The following RGS7 variants were observed in gnomAD, a reference collection of about 807,000 sequenced individuals.
The protein encoded by RGS7 is regulator of G-protein signaling 7.
RGS7 carries 27 observed loss-of-function variants against 81.1 expected under a neutral mutation model. The observed-to-expected ratio is 0.33, with a 90% CI of 0.25 to 0.46. The LOEUF (loss-of-function observed/expected upper bound fraction) is 0.46, where lower values mean the gene tolerates loss of function less well. RGS7 is among the 20% of genes least tolerant of loss of function. The pLI is 1.00. For synonymous variants in RGS7, 208 were observed against 207.7 expected, an observed-to-expected ratio of 1.00 and a Z score of -0.01; for missense variants, 396 against 607.4, an observed-to-expected ratio of 0.65 and a Z score of 3.66.
chr1:240,780,729 C>A (rs1309038329), intron 18 of RGS7, among the ~76,000 whole-genome samples: 1 of 151,822 alleles, frequency 6.6e-6, no homozygotes, highest in East Asian at 1.9e-4. Context: ...TCCTGGCCAA[C>A]ATGTTGAAAC....
chr1:241,252,327 AG>A, intron 2 of RGS7, among the ~76,000 whole-genome samples: 1 of 152,312 alleles, frequency 6.6e-6, no homozygotes, highest in African/African-American at 2.4e-5. Context: ...TACAGGCGTG[AG>A]CCACAGCGCC....
chr1:241,293,827 G>A (rs1262189779), intron 2 of RGS7, among the ~76,000 whole-genome samples: 3 of 152,138 alleles, frequency 2.0e-5, no homozygotes, highest in Non-Finnish European at 2.9e-5. Flanking sequence ...ATAGGAACAC[G>A]TTTACAGTGT....
At chr1:240,789,007 G>A (rs1001451005) in intron 18 of RGS7, among the ~76,000 whole-genome samples, 10 of 152,274 alleles carry the variant, frequency 6.6e-5, no homozygotes, top group African/African-American at 2.2e-4. Context: ...GTGTGGTGGC[G>A]CATTGTTGTG....
At chr1:240,783,461 T>TAA (rs904357004) in intron 18 of RGS7, among the ~76,000 whole-genome samples, 4 of 132,748 alleles carry the variant, frequency 3.0e-5, no homozygotes, top group African/African-American at 8.3e-5. Context: ...ATCTCTACTT[T>TAA]AAAAAAAAAA....
intron 2 of RGS7, among the ~76,000 whole-genome samples, chr1:241,285,580 T>C (rs1186499238): frequency 6.6e-6 from 1 of 152,194 alleles, no homozygotes; most frequent in Non-Finnish European, 1.5e-5. Flanking sequence ...AATTTTACAT[T>C]TGAGGAAACT....
At chr1:241,023,972 G>A (rs1163317888) in intron 3 of RGS7, among the ~76,000 whole-genome samples, 4 of 152,110 alleles carry the variant, frequency 2.6e-5, no homozygotes, top group African/African-American at 4.8e-5. Context: ...TCGAACTCCT[G>A]ACTCAGGTGT....
chr1:241,012,902 G>A (rs1251627228), intron 3 of RGS7, among the ~76,000 whole-genome samples: 1 of 151,992 alleles, frequency 6.6e-6, no homozygotes, highest in Non-Finnish European at 1.5e-5. Flanking sequence ...TACCCGTGAG[G>A]TTTCATCTGC....
At chr1:241,023,611 A>T (rs10802924) in intron 3 of RGS7, among the ~76,000 whole-genome samples, 67,665 of 151,612 alleles carry the variant, frequency 0.45, 15,434 homozygotes, top group Middle Eastern at 0.55. Context: ...AAACTCTACC[A>T]TCCTTTATTC....
At chr1:240,854,290 A>G (rs1195572599) in intron 9 of RGS7, among the ~76,000 whole-genome samples, 3 of 152,330 alleles carry the variant, frequency 2.0e-5, no homozygotes, top group Non-Finnish European at 4.4e-5. Flanking sequence ...TTAAATCTCA[A>G]ACTTTTTTTC....
intron 3 of RGS7, among the ~76,000 whole-genome samples, chr1:241,011,309 C>T (rs1572251794): frequency 6.6e-6 from 1 of 152,106 alleles, no homozygotes; most frequent in Non-Finnish European, 1.5e-5. Flanking sequence ...CCCTTCCTTC[C>T]TGGCAGCAGG....
At chr1:241,263,564 T>C (rs572754263) in intron 2 of RGS7, among the ~76,000 whole-genome samples, 16 of 152,160 alleles carry the variant, frequency 1.1e-4, no homozygotes, top group Non-Finnish European at 2.2e-4. Context: ...TCAGCAGGCA[T>C]TTATTTACAG....
At chr1:241,064,496 G>C (rs946415699) in intron 3 of RGS7, among the ~76,000 whole-genome samples, 2 of 151,956 alleles carry the variant, frequency 1.3e-5, no homozygotes, top group Non-Finnish European at 2.9e-5. Flanking sequence ...GTTGAAGTGG[G>C]AGGATCTGCT....
At chr1:241,257,688 C>CT (rs1319534119) in intron 2 of RGS7, among the ~76,000 whole-genome samples, 2 of 152,144 alleles carry the variant, frequency 1.3e-5, no homozygotes, top group Non-Finnish European at 1.5e-5. Flanking sequence ...TCCACCTTCT[C>CT]TTTTCTCACC....
At chr1:241,007,935 A>C (rs893441689) in intron 3 of RGS7, among the ~76,000 whole-genome samples, 6 of 152,322 alleles carry the variant, frequency 3.9e-5, no homozygotes, top group South Asian at 4.1e-4. Context: ...GTGTCTGGCA[A>C]AGGCCCTGGA....
At chr1:240,776,979 A>T (rs1683043993) in intron 18 of RGS7, among the ~76,000 whole-genome samples, 1 of 152,228 alleles carries the variant, frequency 6.6e-6, no homozygotes, top group African/African-American at 2.4e-5. Flanking sequence ...TGTTGCTGTT[A>T]ATCACAAGTA....
chr1:240,793,611 A>ATATATATATATATATTTTTTT, intron 18 of RGS7, among the ~76,000 whole-genome samples: 9 of 78,804 alleles, frequency 1.1e-4, no homozygotes, highest in African/African-American at 1.9e-4. Flanking sequence ...ATATATATAT[A>ATATATATATATATATTTTTTT]TTTTTTTTTT....
At chr1:240,802,152 C>T (rs191656745) in intron 16 of RGS7, among the ~76,000 whole-genome samples, 21 of 152,242 alleles carry the variant, frequency 1.4e-4, no homozygotes, top group Admixed American at 9.8e-4. Flanking sequence ...GCCTACATGA[C>T]GATCATGAAC....
At chr1:241,060,671 T>C (rs562088364) in intron 3 of RGS7, among the ~76,000 whole-genome samples, 12 of 152,192 alleles carry the variant, frequency 7.9e-5, no homozygotes, top group Non-Finnish European at 1.6e-4. Flanking sequence ...ATGATAGTTA[T>C]AGGGCCCAGT....
chr1:240,802,816 A>G, intron 16 of RGS7, 88 bp downstream of exon 16: 1 of 882,168 alleles, frequency 1.1e-6, no homozygotes, highest in Non-Finnish European at 1.9e-6. Context: ...CCATTAGTCC[A>G]ATACCCTGGA....
Sources: gnomAD v4.1 joint callset for allele counts (sites outside exome capture counted in the v4.1 genomes callset) on GRCh38, gnomAD v4.1.1 for gene constraint, MANE v1.5 for transcripts, NCBI Gene and HGNC (gene_info 2026-07-23, HGNC 2026-07-21) for gene names.